Variants in KIFBP observed in about 807,000 individuals in gnomAD.
KIFBP encodes the protein kinesin family binding protein, also known as KIF-binding protein.
KIFBP carries 46 observed loss-of-function variants against 58.9 expected under a neutral mutation model. That is an observed-to-expected ratio of 0.78 (90% confidence interval 0.62 to 1.00). The LOEUF is 1.00. Among genes scored for constraint, KIFBP ranks in the 50% least tolerant of loss-of-function variants. The pLI is 0.00. For synonymous variants in KIFBP, 241 were observed against 283.4 expected, an observed-to-expected ratio of 0.85 and a Z score of 1.50; for missense variants, 651 against 752.9, an observed-to-expected ratio of 0.86 and a Z score of 1.58.
At chr10:69,013,104 T>C (rs942092044) in intron 6 of KIFBP, among the ~76,000 whole-genome samples, 1 of 151,888 alleles carries the variant, frequency 6.6e-6, no homozygotes, top group Admixed American at 6.6e-5. Context: ...ATGAGAGAGC[T>C]CACTCATTAC....
At chr10:69,006,080 G>C in intron 4 of KIFBP, 165 bp downstream of exon 4, 1 of 621,168 alleles carries the variant, frequency 1.6e-6, no homozygotes, top group Non-Finnish European at 2.8e-6. Flanking sequence ...CTAAAATTTT[G>C]TAGCTTTTTG....
intron 5 of KIFBP, among the ~76,000 whole-genome samples, chr10:69,009,944 C>A (rs1192973952): frequency 6.6e-6 from 1 of 152,074 alleles, no homozygotes; most frequent in Non-Finnish European, 1.5e-5. Flanking sequence ...CTCTTAAGAG[C>A]TAAAGGAATG....
intron 1 of KIFBP, chr10:68,995,061 C>G: frequency 6.6e-6 from 1 of 152,074 alleles, no homozygotes; most frequent in East Asian, 1.9e-4. Context: ...CTCTGTCACC[C>G]AGGCTGGAGT....
intron 5 of KIFBP, among the ~76,000 whole-genome samples, chr10:69,010,054 T>C (rs1215250378): frequency 6.6e-6 from 1 of 152,176 alleles, no homozygotes. Context: ...AAAAAATGAA[T>C]AAAAACTAAA....
intron 1 of KIFBP, among the ~76,000 whole-genome samples, chr10:68,999,519 C>T (rs1489399304): frequency 6.6e-6 from 1 of 152,006 alleles, no homozygotes; most frequent in Non-Finnish European, 1.5e-5. Context: ...GCTGATTGTT[C>T]CTTACTCAAA....
At chr10:69,001,469 A>T (rs946513109) in intron 2 of KIFBP, among the ~76,000 whole-genome samples, 2 of 152,220 alleles carry the variant, frequency 1.3e-5, no homozygotes, top group African/African-American at 4.8e-5. Context: ...AAATCCATTA[A>T]TACGGCTGAG....
intron 1 of KIFBP, among the ~76,000 whole-genome samples, chr10:68,995,905 C>A (rs938567635): frequency 6.6e-6 from 1 of 152,066 alleles, no homozygotes; most frequent in Non-Finnish European, 1.5e-5. Flanking sequence ...TGGCTGTAAT[C>A]CCAGCACTTT....
intron 2 of KIFBP, among the ~76,000 whole-genome samples, chr10:69,000,762 A>T (rs1326190934): frequency 6.6e-6 from 1 of 152,238 alleles, no homozygotes; most frequent in African/African-American, 2.4e-5. Context: ...ATTATAAAGG[A>T]AATATTATTC....
intron 3 of KIFBP, among the ~76,000 whole-genome samples, 163 bp downstream of exon 3, chr10:69,005,288 C>T (rs1184261288): frequency 6.6e-6 from 1 of 152,216 alleles, no homozygotes; most frequent in Admixed American, 6.5e-5. Flanking sequence ...ACCTGAGACT[C>T]AGTTTCCTTA....
chr10:69,008,419 T>TATATATATATATATATATATATA (rs1564637637), intron 4 of KIFBP, among the ~76,000 whole-genome samples: 12 of 137,594 alleles, frequency 8.7e-5, no homozygotes, highest in African/African-American at 3.5e-4. Context: ...TATATATATA[T>TATATATATATATATATATATATA]TCAGTCTTCT....
At chr10:68,997,084 T>A (rs911890526) in intron 1 of KIFBP, among the ~76,000 whole-genome samples, 1 of 152,142 alleles carries the variant, frequency 6.6e-6, no homozygotes, top group Non-Finnish European at 1.5e-5. Flanking sequence ...TGTATATATA[T>A]TTTTTTAAGT....
chr10:69,014,068 C>T (rs1020745478), intron 6 of KIFBP, among the ~76,000 whole-genome samples: 1 of 152,094 alleles, frequency 6.6e-6, no homozygotes, highest in East Asian at 1.9e-4. Flanking sequence ...TATTTTTTAA[C>T]CTTAACTTCA....
intron 1 of KIFBP, among the ~76,000 whole-genome samples, chr10:68,994,317 A>G (rs1843381529): frequency 6.6e-6 from 1 of 152,180 alleles, no homozygotes; most frequent in Non-Finnish European, 1.5e-5. Context: ...ACAAATACGT[A>G]TGTATGTGTG....
chr10:69,011,191 C>A, intron 6 of KIFBP, 176 bp downstream of exon 6: 1 of 595,580 alleles, frequency 1.7e-6, no homozygotes, highest in South Asian at 1.8e-5. Context: ...TTGCTTGAAT[C>A]CGGGAGGCAG....
chr10:68,997,427 T>C (rs2245388), intron 1 of KIFBP, among the ~76,000 whole-genome samples: 11,817 of 152,216 alleles, frequency 0.078, 623 homozygotes, highest in African/African-American at 0.14. Context: ...TGAAAGTGTA[T>C]AGCACTTCCT....
intron 1 of KIFBP, 186 bp downstream of exon 1, chr10:68,989,444 G>T (rs1407697020): frequency 1.5e-5 from 10 of 651,606 alleles, no homozygotes; most frequent in Non-Finnish European, 2.6e-5. Context: ...TTATTGCCTT[G>T]TAACTAGATC....
At chr10:68,993,623 A>G (rs921231706) in intron 1 of KIFBP, among the ~76,000 whole-genome samples, 4 of 151,356 alleles carry the variant, frequency 2.6e-5, no homozygotes, top group Admixed American at 1.3e-4. Flanking sequence ...AATTTAATTT[A>G]ATTTTATCTT....
rs1224063073 is a variant in KIFBP, at chr10:68,989,273, G to A, written c.426+15G>A. On this transcript the variant is annotated intron_variant, in intron 1 of 6. Transcript: ENST00000361983. ...TCCAGGCGCAGGTGAGAGCGAGCCC[G>A]GCCAGGCCGGCCCCTGTTGGCAAAT... 1 of 1,611,048 alleles carries A rather than the reference G, an allele frequency of 6.2e-7. No homozygotes were observed. Among genetic ancestry groups the A allele is most frequent in the Non-Finnish European group, 8.5e-7 (1 of 1,179,486 alleles).
intron 2 of KIFBP, among the ~76,000 whole-genome samples, chr10:69,001,582 C>T (rs1843466176): frequency 6.6e-6 from 1 of 151,234 alleles, no homozygotes; most frequent in Non-Finnish European, 1.5e-5. Flanking sequence ...TGGTGAAATC[C>T]CATCTCTACT....
Sources: gnomAD v4.1 joint callset for allele counts (sites outside exome capture counted in the v4.1 genomes callset) on GRCh38, gnomAD v4.1.1 for gene constraint, MANE v1.5 for transcripts, NCBI Gene and HGNC (gene_info 2026-07-23, HGNC 2026-07-21) for gene names.